The following PAICS variants were observed in gnomAD, a reference collection of about 807,000 sequenced individuals.
The protein encoded by PAICS is bifunctional phosphoribosylaminoimidazole carboxylase/phosphoribosylaminoimidazole succinocarboxamide synthetase.
PAICS carries 33 observed loss-of-function variants against 53.7 expected under a neutral mutation model. That is an observed-to-expected ratio of 0.61 (90% CI 0.47 to 0.82). PAICS has a LOEUF of 0.82. Ranked by LOEUF, PAICS falls within the 40% of genes least tolerant of loss-of-function variation. The pLI, the probability that PAICS is intolerant of heterozygous loss-of-function variation, is 0.00. For missense variants in PAICS, 394 were observed against 494.1 expected (o/e 0.80, Z 1.92); for synonymous variants, 141 against 167.2 (o/e 0.84, Z 1.21).
chr4:56,410,976 A>G, the PAICS span: 2 of 935,132 alleles, frequency 2.1e-6, no homozygotes, highest in South Asian at 4.9e-5. Flanking sequence ...ATGAACTGTA[A>G]AAGTTCAGGA....
chr4:56,428,443 G>C, the PAICS span, among the ~76,000 whole-genome samples: 1 of 152,132 alleles, frequency 6.6e-6, no homozygotes, highest in Non-Finnish European at 1.5e-5. Flanking sequence ...TGCAGTTTGG[G>C]ATAGACAGAG....
intron 5 of PAICS, among the ~76,000 whole-genome samples, chr4:56,449,975 CAAAAAAA>C (rs201486050): frequency 8.7e-6 from 1 of 114,464 alleles, no homozygotes; most frequent in African/African-American, 3.1e-5. Flanking sequence ...ACTCTGTCTC[CAAAAAAA>C]AAAAAAGAAA....
At chr4:56,419,271 C>T in the PAICS span, among the ~76,000 whole-genome samples, 1 of 151,988 alleles carries the variant, frequency 6.6e-6, no homozygotes, top group Admixed American at 6.6e-5. Flanking sequence ...TTACTGTTTT[C>T]TATAGTAAAT....
At chr4:56,450,589 G>C in intron 5 of PAICS, 30 bp from the exon 6 acceptor site, 1 of 1,214,406 alleles carries the variant, frequency 8.2e-7, no homozygotes, top group Non-Finnish European at 1.2e-6. Context: ...AGAGATACTT[G>C]TTTTCTAAAC....
chr4:56,433,737 C>T (rs868660586), upstream of PAICS, among the ~76,000 whole-genome samples: 1 of 152,000 alleles, frequency 6.6e-6, no homozygotes, highest in African/African-American at 2.4e-5. Flanking sequence ...CTCTGTCGCC[C>T]AGGCTGGAGT....
At chr4:56,419,632 T>C in the PAICS span, 1 of 977,362 alleles carries the variant, frequency 1.0e-6, no homozygotes, top group Non-Finnish European at 1.2e-6. Flanking sequence ...ACGTCAGTAT[T>C]GGAACCCTCT....
chr4:56,452,719 G>T (rs1001521418), intron 7 of PAICS, among the ~76,000 whole-genome samples: 2 of 152,160 alleles, frequency 1.3e-5, no homozygotes, highest in African/African-American at 2.4e-5. Flanking sequence ...GTTCTCCCGG[G>T]AATCTTTAGT....
At chr4:56,432,373 C>T (rs1436795709), upstream of PAICS, among the ~76,000 whole-genome samples, 1 of 151,872 alleles carries the variant, frequency 6.6e-6, no homozygotes, top group Non-Finnish European at 1.5e-5. Context: ...GCTAAAAATA[C>T]AAAAATTACC....
upstream of PAICS, chr4:56,436,138 A>C (rs1717926144): frequency 6.8e-7 from 1 of 1,480,468 alleles, no homozygotes; most frequent in Non-Finnish European, 9.0e-7. Flanking sequence ...TCCGCGTTTC[A>C]GTCTCCGCCC....
upstream of PAICS, among the ~76,000 whole-genome samples, chr4:56,431,243 A>C (rs1483194005): frequency 6.6e-6 from 1 of 152,230 alleles, no homozygotes; most frequent in Non-Finnish European, 1.5e-5. Flanking sequence ...AAATTAAGTA[A>C]GATATTCCCT....
the PAICS span, among the ~76,000 whole-genome samples, chr4:56,427,051 C>A: frequency 2.0e-5 from 3 of 152,302 alleles, no homozygotes; most frequent in African/African-American, 7.2e-5. Flanking sequence ...AGGGCTCCTC[C>A]ATGTTGTAGC....
upstream of PAICS, chr4:56,435,934 C>G (rs1717901266): frequency 6.7e-7 from 1 of 1,492,470 alleles, no homozygotes; most frequent in Non-Finnish European, 9.0e-7. Flanking sequence ...ACTTGGTACG[C>G]TCCAACTTCT....
chr4:56,441,236 G>A (rs538564037), intron 1 of PAICS, among the ~76,000 whole-genome samples: 36 of 152,170 alleles, frequency 2.4e-4, no homozygotes, highest in Middle Eastern at 3.2e-3. Flanking sequence ...ACTATACTGT[G>A]AGTGTGTCTG....
chr4:56,428,906 A>C, the PAICS span: 1 of 651,810 alleles, frequency 1.5e-6, no homozygotes, highest in Non-Finnish European at 1.9e-6. Context: ...AAATGATGTC[A>C]CATAATGATT....
At chr4:56,434,629 G>C (rs983209119), upstream of PAICS, among the ~76,000 whole-genome samples, 44 of 152,290 alleles carry the variant, frequency 2.9e-4, no homozygotes, top group African/African-American at 1.0e-3. Flanking sequence ...TTTTGAAGAA[G>C]GGAGTTAATT....
At chr4:56,451,731 T>G (rs576112767) in intron 6 of PAICS, 141 bp from the exon 7 acceptor site, 35 of 484,564 alleles carry the variant, frequency 7.2e-5, no homozygotes, top group African/African-American at 6.1e-4. Flanking sequence ...AAATCCTGTC[T>G]TTTTGTTGTT....
At chr4:56,419,972 A>G in the PAICS span, 1 of 985,240 alleles carries the variant, frequency 1.0e-6, no homozygotes, top group African/African-American at 1.7e-5. Flanking sequence ...AAACAGAAAA[A>G]TCACGAGACC....
At chr4:56,436,682 A>G (rs960598041) in intron 1 of PAICS, 2 of 516,128 alleles carry the variant, frequency 3.9e-6, no homozygotes, top group African/African-American at 3.8e-5. Context: ...AAGAAGGTTA[A>G]TAATTGAAAC....
chr4:56,459,366 CA>C lies in PAICS; in HGVS notation c.1112-4del. On this transcript the variant is annotated splice_region_variant and splice_polypyrimidine_tract_variant and intron_variant, in intron 8 of 8. Transcript: ENST00000512576. ...ATTTTCTGTCTTTTCCTTGCTGAAC[CA>C]ATAGGTCTTGGCTGTTCAACCGTAC... The C allele has an allele frequency of 6.6e-7, 1 of 1,525,036 alleles. No individual in the cohort carries two copies. The highest frequency in any genetic ancestry group is 2.3e-5 in the East Asian group (1 of 43,462). 94.5% of individuals were successfully genotyped at this position (1,525,036 alleles called of 1,614,324 possible).
Sources: allele counts gnomAD v4.1 joint callset (sites outside exome capture counted in the v4.1 genomes callset), GRCh38; gene constraint gnomAD v4.1.1; transcripts MANE v1.5; gene names NCBI Gene and HGNC (gene_info 2026-07-23, HGNC 2026-07-21).